OLFM3: variants seen among roughly 807,000 people sequenced by gnomAD.
The protein encoded by OLFM3 is olfactomedin 3.
OLFM3 carries 20 observed loss-of-function variants against 48.6 expected under a neutral mutation model. That is an observed-to-expected ratio of 0.41 (90% CI 0.29 to 0.60). The LOEUF (loss-of-function observed/expected upper bound fraction) is 0.60. Among genes scored for constraint, OLFM3 ranks in the 20% least tolerant of loss-of-function variants. OLFM3 has a pLI of 0.28. For synonymous variants in OLFM3, 222 were observed against 198.1 expected, an observed-to-expected ratio of 1.12 and a Z score of -1.01; for missense variants, 437 against 544.3, an observed-to-expected ratio of 0.80 and a Z score of 1.96.
intron 1 of OLFM3, among the ~76,000 whole-genome samples, chr1:101,874,403 T>G (rs1657211069): frequency 6.6e-6 from 1 of 151,772 alleles, no homozygotes. Flanking sequence ...ATATGTATCT[T>G]GATCATTTTT....
chr1:101,857,620 T>C (rs2100957631), intron 1 of OLFM3, among the ~76,000 whole-genome samples: 1 of 151,898 alleles, frequency 6.6e-6, no homozygotes, highest in Non-Finnish European at 1.5e-5. Flanking sequence ...CCTTCTCTCT[T>C]CCTGCCTTCC....
chr1:101,886,260 T>C (rs946625292), intron 1 of OLFM3, among the ~76,000 whole-genome samples: 8 of 139,598 alleles, frequency 5.7e-5, no homozygotes, highest in African/African-American at 2.1e-4. Flanking sequence ...AAAACATACA[T>C]GGTATGGAAA....
At chr1:101,880,091 C>T (rs975682058) in intron 1 of OLFM3, among the ~76,000 whole-genome samples, 1 of 151,852 alleles carries the variant, frequency 6.6e-6, no homozygotes. Flanking sequence ...TAGAGATTAA[C>T]TATTTCTTCA....
chr1:101,982,627 T>C (rs973464316), intron 1 of OLFM3, among the ~76,000 whole-genome samples: 2 of 152,198 alleles, frequency 1.3e-5, no homozygotes, highest in East Asian at 3.9e-4. Context: ...TGTGGGCCTC[T>C]TCCAATCTGG....
chr1:101,883,136 G>T (rs756574408), intron 1 of OLFM3, among the ~76,000 whole-genome samples: 19 of 151,720 alleles, frequency 1.3e-4, no homozygotes, highest in Non-Finnish European at 2.5e-4. Context: ...CTGCAAAACT[G>T]TCCCAGGTAG....
intron 1 of OLFM3, among the ~76,000 whole-genome samples, chr1:101,909,392 G>T (rs1270232176): frequency 6.6e-6 from 1 of 152,100 alleles, no homozygotes; most frequent in African/African-American, 2.4e-5. Flanking sequence ...AAAGTATTTG[G>T]GCAGGCTTAT....
At chr1:101,879,993 G>C (rs954244996) in intron 1 of OLFM3, among the ~76,000 whole-genome samples, 3 of 151,770 alleles carry the variant, frequency 2.0e-5, no homozygotes, top group African/African-American at 7.3e-5. Flanking sequence ...CAAGCATTCA[G>C]GCCTTTTACT....
intron 1 of OLFM3, among the ~76,000 whole-genome samples, chr1:101,972,744 G>T (rs372502870): frequency 3.3e-5 from 5 of 152,264 alleles, no homozygotes; most frequent in South Asian, 2.1e-4. Context: ...TCTCCATTTT[G>T]CTTTTTAAAT....
At chr1:101,829,727 A>G (rs1655051195) in intron 3 of OLFM3, among the ~76,000 whole-genome samples, 1 of 152,270 alleles carries the variant, frequency 6.6e-6, no homozygotes, top group South Asian at 2.1e-4. Context: ...ACCAGAGGCT[A>G]TTAAGTGGGC....
chr1:101,809,702 A>G (rs771710713), intron 4 of OLFM3, among the ~76,000 whole-genome samples: 3 of 151,904 alleles, frequency 2.0e-5, no homozygotes, highest in Non-Finnish European at 2.9e-5. Flanking sequence ...TGATACATAG[A>G]TAGACTGTAT....
At chr1:101,874,893 G>A (rs1270197663) in intron 1 of OLFM3, among the ~76,000 whole-genome samples, 1 of 151,874 alleles carries the variant, frequency 6.6e-6, no homozygotes, top group Non-Finnish European at 1.5e-5. Context: ...TTCCCATCCT[G>A]ATTTAAGTAA....
intron 1 of OLFM3, among the ~76,000 whole-genome samples, chr1:101,865,092 C>T (rs1037313980): frequency 6.6e-6 from 1 of 152,174 alleles, no homozygotes; most frequent in African/African-American, 2.4e-5. Flanking sequence ...ATTTCTGCCT[C>T]CTCCTTATGT....
At chr1:101,951,425 C>G (rs1316369649) in intron 1 of OLFM3, among the ~76,000 whole-genome samples, 2 of 152,020 alleles carry the variant, frequency 1.3e-5, no homozygotes, top group Non-Finnish European at 2.9e-5. Flanking sequence ...TAGCTTAGCC[C>G]TCATAATAAA....
intron 4 of OLFM3, among the ~76,000 whole-genome samples, chr1:101,822,800 A>G (rs1330176754): frequency 5.3e-5 from 8 of 152,124 alleles, no homozygotes; most frequent in Non-Finnish European, 1.0e-4. Flanking sequence ...ATATAACAGC[A>G]GAATTTCCTT....
At chr1:101,809,076 G>C (rs908493446) in intron 4 of OLFM3, among the ~76,000 whole-genome samples, 7 of 151,388 alleles carry the variant, frequency 4.6e-5, no homozygotes, top group Non-Finnish European at 8.9e-5. Flanking sequence ...AAAAAATATG[G>C]AGGCATCTAG....
intron 1 of OLFM3, among the ~76,000 whole-genome samples, chr1:101,921,517 C>T (rs1570632433): frequency 6.6e-6 from 1 of 152,044 alleles, no homozygotes; most frequent in East Asian, 1.9e-4. Flanking sequence ...AGGAGTGGTG[C>T]TAGAATCCTT....
intron 1 of OLFM3, among the ~76,000 whole-genome samples, chr1:101,925,802 T>C (rs1241355890): frequency 6.6e-6 from 1 of 152,118 alleles, no homozygotes; most frequent in Non-Finnish European, 1.5e-5. Context: ...AGTGCTAAGA[T>C]TACAGGCATG....
In OLFM3 at chr1:101,836,865, C is replaced by T. The variant is rs1256060819; in HGVS notation, c.216+14G>A. The T allele has an allele frequency of 6.2e-7, 1 of 1,613,480 alleles. No homozygotes were observed. On this transcript the variant is annotated intron_variant, in intron 2 of 5. Coordinates refer to ENST00000370103, the MANE Select transcript of OLFM3 (RefSeq NM_058170.4). ...TTTTACTAAAAATATGCATAGGGGA[C>T]ACAGGACACCTACCTTTTCCAGTAG...
chr1:101,961,233 A>T (rs998262461), intron 1 of OLFM3, among the ~76,000 whole-genome samples: 3 of 152,096 alleles, frequency 2.0e-5, no homozygotes, highest in Non-Finnish European at 4.4e-5. Flanking sequence ...TGCACATAAA[A>T]GCTGAAAGAG....
Sources: gnomAD v4.1 joint callset for allele counts (sites outside exome capture counted in the v4.1 genomes callset) on GRCh38, gnomAD v4.1.1 for gene constraint, MANE v1.5 for transcripts, NCBI Gene and HGNC (gene_info 2026-07-23, HGNC 2026-07-21) for gene names.